Variants in SNAP25 observed in about 807,000 individuals in gnomAD.
The protein encoded by SNAP25 is synaptosome associated protein 25, also known as synaptosomal-associated protein 25.
In SNAP25, 3 loss-of-function variants were observed where a neutral mutation model predicts 28.7. The ratio of observed to expected loss-of-function variants is 0.10; its 90% confidence interval spans 0.05 to 0.27. SNAP25 has a LOEUF of 0.27. Ranked by LOEUF, SNAP25 falls within the 10% of genes least tolerant of loss-of-function variation. The probability of loss-of-function intolerance (pLI) is 1.00; values close to 1 mark genes in which losing one functional copy is unlikely to be tolerated. For missense variants in SNAP25, 117 were observed against 278.7 expected, an observed-to-expected ratio of 0.42 and a Z score of 4.13; for synonymous variants, 61 against 88.1, an observed-to-expected ratio of 0.69 and a Z score of 1.72.
At chr20:10,287,894 T>A (rs2063914999) in intron 4 of SNAP25, among the ~76,000 whole-genome samples, 1 of 151,672 alleles carries the variant, frequency 6.6e-6, no homozygotes, top group Admixed American at 6.6e-5. Flanking sequence ...TCATTCTCAG[T>A]AAACTATTGC....
chr20:10,296,886 C>T (rs1188470303), intron 5 of SNAP25, 39 bp from the exon 6 acceptor site: 1 of 1,611,968 alleles, frequency 6.2e-7, no homozygotes, highest in East Asian at 2.2e-5. Context: ...CTTGCTCCTC[C>T]ACCCCTGTGC....
chr20:10,302,671 T>C (rs1219115941), intron 7 of SNAP25, among the ~76,000 whole-genome samples: 1 of 151,904 alleles, frequency 6.6e-6, no homozygotes, highest in South Asian at 2.1e-4. Context: ...AATAGAAATA[T>C]AAAAATTGGA....
chr20:10,262,253 C>T lies in SNAP25; in HGVS notation c.-63-13176C>T, dbSNP rs118061816. ...TAAAAACATTCTCAACTAGCATAGACGAGTCCCTTCCTCTCCACTATTTTG... is the reference window on the plus strand; with the variant it reads ...TAAAAACATTCTCAACTAGCATAGATGAGTCCCTTCCTCTCCACTATTTTG... On this transcript the variant is annotated intron_variant, in intron 1 of 7. Transcript: ENST00000254976. 5.7e-4 allele frequency among the ~76,000 whole-genome samples: 87 copies of T among 152,282 alleles called. No homozygotes were observed. In the East Asian group the frequency reaches 0.012, roughly 21 times the overall value.
intron 1 of SNAP25, among the ~76,000 whole-genome samples, chr20:10,233,053 A>G (rs530059733): frequency 1.8e-4 from 27 of 152,182 alleles, no homozygotes; most frequent in Non-Finnish European, 2.9e-4. Flanking sequence ...CAGCTCAAGG[A>G]TACAGTGAGA....
intron 1 of SNAP25, among the ~76,000 whole-genome samples, chr20:10,259,671 TG>T (rs893008521): frequency 6.6e-6 from 1 of 152,204 alleles, no homozygotes; most frequent in African/African-American, 2.4e-5. Context: ...CCCAAGTGTC[TG>T]GGACTGCAGG....
At chr20:10,279,654 A>G (rs1905958622) in intron 3 of SNAP25, among the ~76,000 whole-genome samples, 1 of 152,254 alleles carries the variant, frequency 6.6e-6, no homozygotes, top group Non-Finnish European at 1.5e-5. Flanking sequence ...TTCTGGGGGA[A>G]AATCTCTCAA....
chr20:10,287,812 T>C (rs1205007258), intron 4 of SNAP25, among the ~76,000 whole-genome samples: 2 of 151,730 alleles, frequency 1.3e-5, no homozygotes, highest in African/African-American at 2.4e-5. Flanking sequence ...ATATACACCA[T>C]GGAATACTAT....
chr20:10,293,066 T>C lies in SNAP25; in HGVS notation c.164-95T>C. The C allele has an allele frequency of 1.4e-6, 2 of 1,455,334 alleles. No homozygotes were observed. The highest frequency in any genetic ancestry group is 4.5e-5 in the East Asian group (2 of 44,010). 90.2% of individuals were successfully genotyped at this position (1,455,334 alleles called of 1,614,324 possible). Reference sequence around the variant, plus strand: ...TCTTTCTTTTTTTTTTTTTCTTTTTTAATGTCAAAGTGAATGTCTGAAGTT... The same window carrying C: ...TCTTTCTTTTTTTTTTTTTCTTTTTCAATGTCAAAGTGAATGTCTGAAGTT... On this transcript the variant is annotated intron_variant, in intron 4 of 7. Transcript: ENST00000254976. This position sits in a 1 kb window ranked among gnomAD's most constrained non-coding sequence, Gnocchi z 5.6.
chr20:10,220,254 G>T (rs956587992), intron 1 of SNAP25, among the ~76,000 whole-genome samples: 12 of 152,082 alleles, frequency 7.9e-5, no homozygotes, highest in African/African-American at 2.7e-4. Context: ...TTGCAATCAG[G>T]CATGAATACA....
chr20:10,220,738 A>G (rs1327474588), intron 1 of SNAP25, among the ~76,000 whole-genome samples: 1 of 152,246 alleles, frequency 6.6e-6, no homozygotes, highest in Non-Finnish European at 1.5e-5. Flanking sequence ...GTAATAATCT[A>G]TACAATGCAT....
At chr20:10,292,263 G>T (rs1243262174) in intron 4 of SNAP25, among the ~76,000 whole-genome samples, 2 of 152,194 alleles carry the variant, frequency 1.3e-5, no homozygotes, top group Admixed American at 1.3e-4. Flanking sequence ...TTACAATGTT[G>T]CTGTGTGGAT....
Position 10,296,928 on chromosome 20 carries a change from T to G in SNAP25, c.285T>G (p.Leu95=). The G allele has an allele frequency of 6.2e-7, 1 of 1,614,138 alleles. No individual in the cohort carries two copies. The highest frequency in any genetic ancestry group is 8.5e-7 in the Non-Finnish European group (1 of 1,179,998). ...CGLCVCPCNK[L]KSSDAYKKAW... ...ACTCACCCTCTCTTTTGCATAGGCT[T>G]AAATCAAGTGATGCTTACAAAAAAG... Residue 95 remains leucine (L), a synonymous_variant, in exon 6 of 8, where the codon CTT becomes CTG. Coordinates refer to ENST00000254976, the MANE Select transcript of SNAP25 (RefSeq NM_130811.4).
At chr20:10,258,094 CTAT>C (rs1240408295) in intron 1 of SNAP25, among the ~76,000 whole-genome samples, 2 of 152,096 alleles carry the variant, frequency 1.3e-5, no homozygotes, top group Non-Finnish European at 1.5e-5. Flanking sequence ...CTTTGACGTA[CTAT>C]TAACTTTTAT....
At chr20:10,290,904 G>A (rs1044553023) in intron 4 of SNAP25, among the ~76,000 whole-genome samples, 3 of 152,014 alleles carry the variant, frequency 2.0e-5, no homozygotes, top group Admixed American at 1.3e-4. Flanking sequence ...TTCATCTGAT[G>A]ATGAGTTCCT....
chr20:10,235,076 A>G (rs2122695371), intron 1 of SNAP25, among the ~76,000 whole-genome samples: 1 of 152,046 alleles, frequency 6.6e-6, no homozygotes, highest in South Asian at 2.1e-4. Context: ...CTGCAGAAAT[A>G]AAGTAAATTA....
chr20:10,281,566 G>A (rs1191120681), intron 3 of SNAP25, among the ~76,000 whole-genome samples: 1 of 152,180 alleles, frequency 6.6e-6, no homozygotes, highest in Non-Finnish European at 1.5e-5. Context: ...AGGAACTTGA[G>A]GTACACAGTG....
At chr20:10,271,833 C>G (rs1458900871) in intron 1 of SNAP25, among the ~76,000 whole-genome samples, 1 of 152,184 alleles carries the variant, frequency 6.6e-6, no homozygotes, top group Non-Finnish European at 1.5e-5. Flanking sequence ...AGTCTGAAAG[C>G]ACATGGACCC....
At chr20:10,277,851 G>C in intron 3 of SNAP25, 125 bp downstream of exon 3, 1 of 852,354 alleles carries the variant, frequency 1.2e-6, no homozygotes, top group South Asian at 1.5e-5. Flanking sequence ...TAGCCTATCA[G>C]AAAGGCACAG....
Position 10,275,426 on chromosome 20 carries a change from C to A in SNAP25, c.-63-3C>A. On this transcript the variant is annotated splice_region_variant and splice_polypyrimidine_tract_variant and intron_variant, in intron 1 of 7. Transcript: ENST00000254976. ...TCATATTTTCATATCTACTTCTTCCCAGGTCCAGAGCCAAACCCGTCACTG... is the reference window on the plus strand; with the variant it reads ...TCATATTTTCATATCTACTTCTTCCAAGGTCCAGAGCCAAACCCGTCACTG... 1 of 1,432,464 alleles carries A rather than the reference C, an allele frequency of 7.0e-7. No homozygotes were observed. Among genetic ancestry groups the A allele is most frequent in the Non-Finnish European group, 9.5e-7 (1 of 1,048,540 alleles). 88.7% of individuals were successfully genotyped at this position (1,432,464 alleles called of 1,614,324 possible). A position where few individuals can be genotyped will look rare whatever the true frequency, so the allele number is the denominator to read the frequency against.
Sources: gnomAD v4.1 joint callset for allele counts (sites outside exome capture counted in the v4.1 genomes callset) on GRCh38, gnomAD v4.1.1 for gene constraint, Gnocchi (gnomAD v3.1) non-coding constraint, MANE v1.5 for transcripts, NCBI Gene and HGNC (gene_info 2026-07-23, HGNC 2026-07-21) for gene names.